The following TULP4 variants were observed in gnomAD, a reference collection of about 807,000 sequenced individuals.
TULP4 encodes the protein tubby-related protein 4.
A neutral mutation model predicts 129.0 loss-of-function variants in TULP4; 16 were observed. The observed-to-expected ratio is 0.12, with a 90% CI of 0.08 to 0.19. The LOEUF is 0.19. Ranked by LOEUF, TULP4 falls within the 10% of genes least tolerant of loss-of-function variation. TULP4 has a pLI of 1.00. For synonymous variants in TULP4, 998 were observed against 854.0 expected (o/e 1.17, Z -2.94); for missense variants, 1,842 against 2,059.1 (o/e 0.89, Z 2.04).
At chr6:158,414,004 C>T (rs983095546) in intron 2 of TULP4, among the ~76,000 whole-genome samples, 1 of 152,206 alleles carries the variant, frequency 6.6e-6, no homozygotes, top group African/African-American at 2.4e-5. Context: ...GGATTCTCAT[C>T]CTTCCCTCGC....
At chr6:158,261,687 A>G (rs997884809) in intron 1 of TULP4, among the ~76,000 whole-genome samples, 5 of 152,192 alleles carry the variant, frequency 3.3e-5, no homozygotes, top group African/African-American at 1.2e-4. Flanking sequence ...GGCTCATACA[A>G]AATGAATGTT....
chr6:158,265,174 C>T (rs938183526), intron 1 of TULP4, among the ~76,000 whole-genome samples: 6 of 152,156 alleles, frequency 3.9e-5, no homozygotes, highest in Admixed American at 2.6e-4. Flanking sequence ...AGCTGACTTT[C>T]GGGGAGCTGA....
chr6:158,283,597 A>G (rs1778793189), intron 1 of TULP4, among the ~76,000 whole-genome samples: 1 of 152,222 alleles, frequency 6.6e-6, no homozygotes, highest in African/African-American at 2.4e-5. Flanking sequence ...AGAATTATAT[A>G]TGCAAGTGAT....
chr6:158,384,671 A>T (rs923450459), intron 1 of TULP4, among the ~76,000 whole-genome samples: 1 of 152,184 alleles, frequency 6.6e-6, no homozygotes, highest in African/African-American at 2.4e-5. Flanking sequence ...TTGACAGGTG[A>T]TTAGCCAGCT....
rs1780614151 is a variant in TULP4 at position 158,506,790 on chromosome 6, G to A, written c.*96G>A. ...CCTCTAGGGGTCCGATGCCTGGGAG[G>A]ACCAGAAGCCAACAGCAAAACTGGA... is the stretch of plus-strand genomic sequence containing the variant. On this transcript the variant is annotated 3_prime_UTR_variant, in exon 14 of 14. Coordinates refer to ENST00000367097, the MANE Select transcript of TULP4 (RefSeq NM_020245.5). The A allele has an allele frequency of 3.6e-6, 3 of 842,824 alleles. No individual in the cohort carries two copies. Among genetic ancestry groups the A allele is most frequent in the Non-Finnish European group, 5.8e-6 (3 of 517,188 alleles). The allele number at this position is 842,824 out of a possible 1,614,324, so 52.2% of individuals were successfully genotyped here.
upstream of TULP4, among the ~76,000 whole-genome samples, chr6:158,310,820 A>C (rs936922055): frequency 1.3e-5 from 2 of 152,238 alleles, no homozygotes; most frequent in African/African-American, 2.4e-5. Context: ...ATGGTGCTTC[A>C]GTAGTCCACA....
rs1175930868 is a variant in TULP4 at position 158,509,715 on chromosome 6, G to C, written c.*3021G>C. On this transcript the variant is annotated 3_prime_UTR_variant, in exon 14 of 14. Transcript: ENST00000367097. ...ACGTGAGTTTGTATGAGTTTGTACC[G>C]GAGTGACCCCGGCAGCCACTGCCCA... 1 of 152,190 alleles carries C rather than the reference G, an allele frequency of 6.6e-6. No homozygotes were observed. Among genetic ancestry groups the C allele is most frequent in the Non-Finnish European group, 1.5e-5 (1 of 68,054 alleles). 9.4% of individuals were successfully genotyped at this position (152,190 alleles called of 1,614,324 possible). A position where few individuals can be genotyped will look rare whatever the true frequency, so the allele number is the denominator to read the frequency against.
Position 158,501,979 on chromosome 6 carries a change from A to C in TULP4, c.2316A>C (p.Pro772=), listed in dbSNP as rs1428275403. ...GCCGCATCATTCAGAACCCCCCTCC[A>C]CTGTCCCTGCCTCCCCCGCCGCAGG... ...EMGRIIQNPP[P]LSLPPPPQGP... Residue 772 remains proline, a synonymous_variant, in exon 13 of 14, where the codon CCA becomes CCC. Coordinates refer to ENST00000367097, the MANE Select transcript of TULP4 (RefSeq NM_020245.5). The C allele has an allele frequency of 6.2e-7, 1 of 1,604,278 alleles. No homozygotes were observed. The highest frequency in any genetic ancestry group is 1.4e-5 in the African/African-American group (1 of 72,360).
chr6:158,506,548 A>G (rs1046835170), intron 13 of TULP4, 30 bp from the exon 14 acceptor site: 2 of 1,457,306 alleles, frequency 1.4e-6, no homozygotes, highest in African/African-American at 2.8e-5. Context: ...CTTATTCTTT[A>G]ATGTCTTTGC....
intron 3 of TULP4, among the ~76,000 whole-genome samples, chr6:158,444,025 C>G (rs969014652): frequency 6.6e-6 from 1 of 151,784 alleles, no homozygotes; most frequent in Non-Finnish European, 1.5e-5. Flanking sequence ...TGAGACCATC[C>G]TGGCTAACAC....
chr6:158,277,160 C>G (rs894843542), intron 1 of TULP4, among the ~76,000 whole-genome samples: 2 of 152,162 alleles, frequency 1.3e-5, no homozygotes, highest in East Asian at 1.9e-4. Context: ...AGGCTGGTCT[C>G]AAACTCCTGG....
intron 1 of TULP4, among the ~76,000 whole-genome samples, chr6:158,255,280 G>A (rs578220435): frequency 2.0e-5 from 3 of 152,084 alleles, no homozygotes; most frequent in Admixed American, 6.5e-5. Context: ...AGACCCTGTC[G>A]AGTGCATATC....
chr6:158,316,684 C>T (rs911279997), intron 1 of TULP4, among the ~76,000 whole-genome samples: 4 of 152,224 alleles, frequency 2.6e-5, no homozygotes, highest in Middle Eastern at 6.8e-3. Flanking sequence ...TTTAGTCTCA[C>T]AGTTCTGTAG....
chr6:158,502,431 C>T lies in TULP4; in HGVS notation c.2768C>T (p.Ala923Val), dbSNP rs776706519. The T allele has an allele frequency of 1.2e-6, 2 of 1,613,634 alleles. No individual in the cohort carries two copies. Among genetic ancestry groups the T allele is most frequent in the Non-Finnish European group, 1.7e-6 (2 of 1,179,902 alleles). The change falls in exon 13 of 14, where the codon GCC becomes GTC. Residue 923 changes from alanine (A) to valine (V), a missense_variant. Ala to Val is a moderately conservative substitution (Grantham distance 64, BLOSUM62 0). Coordinates refer to ENST00000367097, the MANE Select transcript of TULP4 (RefSeq NM_020245.5). ...TYTLPGPGSS[A>V]TLRLTATEKK... ...ACCCTCCCCGGCCCGGGTAGCTCTG[C>T]CACCTTGAGGCTCACGGCCACTGAG... is the stretch of plus-strand genomic sequence containing the variant.
intron 1 of TULP4, among the ~76,000 whole-genome samples, chr6:158,295,967 C>T (rs948741625): frequency 1.3e-5 from 2 of 152,178 alleles, no homozygotes; most frequent in Non-Finnish European, 2.9e-5. Context: ...ATAGCCACCC[C>T]CCAAATAAGC....
intron 1 of TULP4, among the ~76,000 whole-genome samples, chr6:158,318,211 G>A (rs1054839052): frequency 6.6e-6 from 1 of 152,118 alleles, no homozygotes; most frequent in Non-Finnish European, 1.5e-5. Context: ...TGTAATCCCA[G>A]CACTTTGGGA....
intron 1 of TULP4, among the ~76,000 whole-genome samples, chr6:158,323,715 A>G (rs1779686586): frequency 1.3e-5 from 2 of 152,202 alleles, no homozygotes; most frequent in Non-Finnish European, 2.9e-5. Context: ...ATCATGGTTG[A>G]ATGTTTGTGG....
At chr6:158,491,458 TCTTTCTTTCTTTC>T (rs1780203626) in intron 9 of TULP4, among the ~76,000 whole-genome samples, 2 of 26,392 alleles carry the variant, frequency 7.6e-5, no homozygotes, top group African/African-American at 5.9e-4. Context: ...TTCTTTCTTT[TCTTTCTTTCTTTC>T]TTTTCTTTCT....
chr6:158,298,678 G>A (rs372090119), intron 1 of TULP4, among the ~76,000 whole-genome samples: 7 of 152,084 alleles, frequency 4.6e-5, no homozygotes, highest in African/African-American at 7.2e-5. Flanking sequence ...TTGATTGTTC[G>A]TCCAAATTTT....
Sources: allele counts gnomAD v4.1 joint callset (sites outside exome capture counted in the v4.1 genomes callset), GRCh38; gene constraint gnomAD v4.1.1; transcripts MANE v1.5; gene names NCBI Gene and HGNC (gene_info 2026-07-23, HGNC 2026-07-21).